The following MAD1L1 variants were observed in gnomAD, a reference collection of about 807,000 sequenced individuals.
MAD1L1 encodes the protein mitotic spindle assembly checkpoint protein MAD1.
MAD1L1 carries 95 observed loss-of-function variants against 96.9 expected under a neutral mutation model. That is an observed-to-expected ratio of 0.98 (90% CI 0.83 to 1.16). MAD1L1 has a LOEUF of 1.16. MAD1L1 is among the 50% of genes most tolerant of loss of function. The pLI, the probability that MAD1L1 is intolerant of heterozygous loss-of-function variation, is 0.00. For missense variants in MAD1L1, 1,007 were observed against 954.4 expected (o/e 1.06, Z -0.73); for synonymous variants, 473 against 396.6 (o/e 1.19, Z -2.29).
chr7:2,115,872 A>G (rs1224476338), intron 11 of MAD1L1, among the ~76,000 whole-genome samples: 1 of 152,236 alleles, frequency 6.6e-6, no homozygotes, highest in African/African-American at 2.4e-5. Context: ...CTCTCAGAGC[A>G]GGGCGGGCTG....
intron 12 of MAD1L1, among the ~76,000 whole-genome samples, chr7:2,045,814 C>G (rs1783894054): frequency 6.6e-6 from 1 of 152,190 alleles, no homozygotes; most frequent in African/African-American, 2.4e-5. Context: ...ACTTCAGGGC[C>G]CGTCCCAGGC....
At chr7:2,104,473 G>A (rs1207159177) in intron 11 of MAD1L1, among the ~76,000 whole-genome samples, 1 of 152,212 alleles carries the variant, frequency 6.6e-6, no homozygotes, top group Non-Finnish European at 1.5e-5. Context: ...GCCTACAGGG[G>A]GCGGCTGCGG....
rs558118448 is a variant in MAD1L1, at chr7:2,146,216, G to A, written c.1073+2936C>T. Among the ~76,000 whole-genome samples the A allele has an allele frequency of 4.7e-4, 72 of 152,320 alleles. No individual in the cohort carries two copies. The highest frequency in any genetic ancestry group is 7.8e-4 in the Non-Finnish European group (53 of 68,024). ...ATGCTGCCACGTGAGCTACCCCAGCGGCACCGTCACAGCAGCACCGCCTGG... is the reference window on the plus strand; with the variant it reads ...ATGCTGCCACGTGAGCTACCCCAGCAGCACCGTCACAGCAGCACCGCCTGG... On this transcript the variant is annotated intron_variant, in intron 11 of 18. Coordinates refer to ENST00000265854, the MANE Select transcript of MAD1L1 (RefSeq NM_001013836.2). This position sits in a 1 kb window ranked among gnomAD's most constrained non-coding sequence, Gnocchi z 6.2.
chr7:1,908,443 G>A (rs113523218), intron 17 of MAD1L1, among the ~76,000 whole-genome samples: 5,165 of 152,230 alleles, frequency 0.034, 197 homozygotes, highest in Admixed American at 0.1. Flanking sequence ...GTGCAGTGGC[G>A]CGATCGTGGC....
chr7:1,937,520 C>G (rs766112161), intron 16 of MAD1L1, among the ~76,000 whole-genome samples: 1 of 151,870 alleles, frequency 6.6e-6, no homozygotes, highest in Non-Finnish European at 1.5e-5. Context: ...GGTGACCGAC[C>G]CCCAGCAACA....
At chr7:2,165,071 G>A (rs1208811721) in intron 10 of MAD1L1, among the ~76,000 whole-genome samples, 1 of 152,154 alleles carries the variant, frequency 6.6e-6, no homozygotes, top group Non-Finnish European at 1.5e-5. Context: ...GGGCGCAGTG[G>A]CTCACGCCTG....
At chr7:2,032,993 G>A (rs1783298967) in intron 12 of MAD1L1, among the ~76,000 whole-genome samples, 2 of 152,252 alleles carry the variant, frequency 1.3e-5, no homozygotes, top group Non-Finnish European at 2.9e-5. Context: ...CCAGCCCACT[G>A]GTATCACGTG....
chr7:1,854,415 A>G, intron 18 of MAD1L1: 1 of 458,616 alleles, frequency 2.2e-6, no homozygotes. Context: ...GGTGGCTCGT[A>G]AACAGAGTTC....
intron 11 of MAD1L1, among the ~76,000 whole-genome samples, chr7:2,113,683 C>G (rs1040611270): frequency 6.6e-6 from 1 of 152,210 alleles, no homozygotes; most frequent in African/African-American, 2.4e-5. Context: ...TTTAGGGAGG[C>G]CTTCGCCAGG....
At chr7:2,006,842 A>G (rs1782055129) in intron 13 of MAD1L1, among the ~76,000 whole-genome samples, 1 of 152,180 alleles carries the variant, frequency 6.6e-6, no homozygotes, top group Admixed American at 6.5e-5. Context: ...AAAATGCGCT[A>G]GAACTTCTCC....
rs561293507 is a variant in MAD1L1 at position 2,051,125 on chromosome 7, G to C, written c.1218+18069C>G. ...CAAGGACAATGTCAGGCCAAAGCCTGGGTAGGCAGGACAAGGTTCCGGGCC... is the reference window on the plus strand; with the variant it reads ...CAAGGACAATGTCAGGCCAAAGCCTCGGTAGGCAGGACAAGGTTCCGGGCC... On this transcript the variant is annotated intron_variant, in intron 12 of 18. Transcript: ENST00000265854. Among the ~76,000 whole-genome samples, 112 of 152,356 alleles carry C rather than the reference G, an allele frequency of 7.4e-4. 1 individual carries two copies. Among genetic ancestry groups the C allele is most frequent in the African/African-American group, 2.5e-3 (103 of 41,592 alleles).
Position 2,225,540 on chromosome 7 carries a change from C to G in MAD1L1, c.161G>C (p.Arg54Thr). The G allele has an allele frequency of 6.2e-7, 1 of 1,613,700 alleles. No individual in the cohort carries two copies. The highest frequency in any genetic ancestry group is 1.7e-5 in the Admixed American group (1 of 60,020). The change falls in exon 4 of 19, where the codon AGA (arginine) becomes ACA (threonine). Residue 54 changes from arginine (R) to threonine (T), a missense_variant. By Grantham distance (71) the Arg-to-Thr change is moderately conservative (BLOSUM62 -1). Transcript: ENST00000265854. ...GGACTTCGAACGGATCTGCTCTGCT[C>G]TTTCCTCCAGCTGAGCAGGTCGCAC... is the stretch of plus-strand genomic sequence containing the variant. ...QYQQSMQLEERAEQIRSKSHL... is the reference protein window; with the variant it reads ...QYQQSMQLEETAEQIRSKSHL...
intron 12 of MAD1L1, among the ~76,000 whole-genome samples, chr7:2,055,429 A>G (rs1182786498): frequency 6.6e-6 from 1 of 152,136 alleles, no homozygotes; most frequent in South Asian, 2.1e-4. Context: ...GAGCGCCACC[A>G]GGGAACCGGT....
At chr7:2,170,753 CA>C (rs2128594655) in intron 10 of MAD1L1, among the ~76,000 whole-genome samples, 1 of 152,220 alleles carries the variant, frequency 6.6e-6, no homozygotes, top group African/African-American at 2.4e-5. Context: ...CTGGAACTAG[CA>C]GGATCCCAGG....
chr7:2,065,933 C>A (rs1784858575), intron 12 of MAD1L1, among the ~76,000 whole-genome samples: 2 of 152,192 alleles, frequency 1.3e-5, no homozygotes, highest in African/African-American at 4.8e-5. Flanking sequence ...AGCCATACTG[C>A]GGAAGCTTGG....
At chr7:1,967,760 CG>C (rs1466395371) in intron 15 of MAD1L1, among the ~76,000 whole-genome samples, 2 of 152,210 alleles carry the variant, frequency 1.3e-5, no homozygotes, top group Admixed American at 6.5e-5. Context: ...AGGGCGCGGC[CG>C]GCCGCGGGGA....
At chr7:2,009,797 G>A (rs1782208863) in intron 13 of MAD1L1, among the ~76,000 whole-genome samples, 1 of 152,212 alleles carries the variant, frequency 6.6e-6, no homozygotes, top group Non-Finnish European at 1.5e-5. Context: ...AGCCTGCCCT[G>A]GGCTTATTCC....
intron 12 of MAD1L1, among the ~76,000 whole-genome samples, chr7:2,039,379 C>G (rs1446653734): frequency 6.6e-6 from 1 of 152,172 alleles, no homozygotes; most frequent in Non-Finnish European, 1.5e-5. Context: ...GAATCGACAC[C>G]CAGGAATGCG....
Position 1,953,421 on chromosome 7 carries a change from C to T in MAD1L1, c.1596+4208G>A, listed in dbSNP as rs547425506. Among the ~76,000 whole-genome samples, 10 of 152,286 alleles carry T rather than the reference C, an allele frequency of 6.6e-5. No individual in the cohort carries two copies. The South Asian group carries it at 1.2e-3, about 19-fold the overall frequency. On this transcript the variant is annotated intron_variant, in intron 16 of 18. Coordinates refer to ENST00000265854, the MANE Select transcript of MAD1L1 (RefSeq NM_001013836.2). Reference sequence around the variant, plus strand: ...GCCAGGGAGGAGCAGGCAGGTGGGGCGGGGAGGGAGCCGCACTGGGGGGCT... The same window carrying T: ...GCCAGGGAGGAGCAGGCAGGTGGGGTGGGGAGGGAGCCGCACTGGGGGGCT...
Sources: allele counts gnomAD v4.1 joint callset (sites outside exome capture counted in the v4.1 genomes callset), GRCh38; gene constraint gnomAD v4.1.1; non-coding constraint Gnocchi (gnomAD v3.1); transcripts MANE v1.5; gene names NCBI Gene and HGNC (gene_info 2026-07-23, HGNC 2026-07-21).